The following ATL2 variants were observed in gnomAD, a reference collection of about 807,000 sequenced individuals.
ATL2 encodes the protein atlastin-2.
A neutral mutation model predicts 73.9 loss-of-function variants in ATL2; 31 were observed. That is an observed-to-expected ratio of 0.42 (90% CI 0.32 to 0.57). The LOEUF (loss-of-function observed/expected upper bound fraction) is 0.57, where lower values mean the gene tolerates loss of function less well. Ranked by LOEUF, ATL2 falls within the 20% of genes least tolerant of loss-of-function variation. The pLI, the probability that ATL2 is intolerant of heterozygous loss-of-function variation, is 0.14. For missense variants in ATL2, 738 were observed against 702.6 expected (o/e 1.05, Z -0.57); for synonymous variants, 291 against 237.5 (o/e 1.23, Z -2.07).
Position 38,294,660 on chromosome 2 carries a change from G to C in ATL2, c.*1334C>G, listed in dbSNP as rs950463287. 6.9e-6 allele frequency among the ~76,000 whole-genome samples: 1 copy of C among 145,218 alleles called. No individual in the cohort carries two copies. Among genetic ancestry groups the C allele is most frequent in the African/African-American group, 2.8e-5 (1 of 35,960 alleles). ...ACCACCAAAAAAAAAAAAAGAGAGAGAAAGAAATTAACAATCCCCATCTAC... is the reference window on the plus strand; with the variant it reads ...ACCACCAAAAAAAAAAAAAGAGAGACAAAGAAATTAACAATCCCCATCTAC... On this transcript the variant is annotated 3_prime_UTR_variant, in exon 13 of 13. Coordinates refer to ENST00000378954, the MANE Select transcript of ATL2 (RefSeq NM_001135673.4).
chr2:38,371,890 C>G (rs1215657683), intron 1 of ATL2, among the ~76,000 whole-genome samples: 1 of 152,148 alleles, frequency 6.6e-6, no homozygotes, highest in African/African-American at 2.4e-5. Flanking sequence ...GAGGGAGGCT[C>G]TGTCTCAAAA....
intron 1 of ATL2, chr2:38,376,316 A>C: frequency 7.9e-7 from 1 of 1,263,534 alleles, no homozygotes; most frequent in Non-Finnish European, 1.0e-6. Context: ...TCGAGGGGGC[A>C]GGGGCGCTCC....
chr2:38,313,114 G>A, intron 7 of ATL2, 37 bp downstream of exon 7: 1 of 1,479,234 alleles, frequency 6.8e-7, no homozygotes, highest in South Asian at 1.2e-5. Flanking sequence ...GCCTAGCTTG[G>A]TGCTTATGTT....
rs1455375582 is a variant in ATL2, at chr2:38,339,221, A to C, written c.363+4047T>G. Among the ~76,000 whole-genome samples the C allele has an allele frequency of 1.3e-5, 2 of 152,190 alleles. 1 individual carries two copies. The highest frequency in any genetic ancestry group is 2.9e-5 in the Non-Finnish European group (2 of 68,032). The stretch of plus-strand genomic sequence containing the variant: ...ACGAGGGAAACTACGTCTCAAAAAA[A>C]AGTCAAGATCATGAAAAAAGGGAAA... On this transcript the variant is annotated intron_variant, in intron 2 of 12. Coordinates refer to ENST00000378954, the MANE Select transcript of ATL2 (RefSeq NM_001135673.4).
At position 38,369,078 on chromosome 2, in the gene ATL2, C is replaced by A. The variant is rs1671515225; in HGVS notation, c.118+8065G>T. Among the ~76,000 whole-genome samples, 5 of 152,288 alleles carry A rather than the reference C, an allele frequency of 3.3e-5. No individual in the cohort carries two copies. The South Asian group carries it at 1.0e-3, about 32-fold the overall frequency. On this transcript the variant is annotated intron_variant, in intron 1 of 12. Coordinates refer to ENST00000378954, the MANE Select transcript of ATL2 (RefSeq NM_001135673.4). ...TTAACACCCACTGTGAACAAAGATACTTGCAAACAAGCACAAACCTAACCC... is the reference window on the plus strand; with the variant it reads ...TTAACACCCACTGTGAACAAAGATAATTGCAAACAAGCACAAACCTAACCC...
At chr2:38,344,712 G>C (rs141465292) in intron 1 of ATL2, among the ~76,000 whole-genome samples, 1 of 152,114 alleles carries the variant, frequency 6.6e-6, no homozygotes, top group Non-Finnish European at 1.5e-5. Flanking sequence ...CTTACAATGA[G>C]TCCCTAATTT....
intron 1 of ATL2, among the ~76,000 whole-genome samples, chr2:38,352,006 G>A (rs1670375644): frequency 6.8e-6 from 1 of 146,350 alleles, no homozygotes; most frequent in African/African-American, 2.5e-5. Flanking sequence ...CAGCTACTCG[G>A]GAGGCTGAGG....
intron 1 of ATL2, among the ~76,000 whole-genome samples, chr2:38,348,616 T>C (rs1388749357): frequency 2.0e-5 from 3 of 151,766 alleles, no homozygotes; most frequent in East Asian, 1.9e-4. Context: ...AAAGCATTAG[T>C]TGGTTTTTTA....
At position 38,336,769 on chromosome 2, in the gene ATL2, T is replaced by C. The variant is rs1269465123; in HGVS notation, c.363+6499A>G. Among the ~76,000 whole-genome samples, 3 of 152,208 alleles carry C rather than the reference T, an allele frequency of 2.0e-5. No individual in the cohort carries two copies. In the East Asian group the frequency reaches 5.8e-4, roughly 29 times the overall value. ...GAAATATAATTATCACTGCACAGGG[T>C]TATTTCTGAATACTAAGTAAGATAA... On this transcript the variant is annotated intron_variant, in intron 2 of 12. Transcript: ENST00000378954.
intron 3 of ATL2, 84 bp from the exon 4 acceptor site, chr2:38,318,723 C>G: frequency 5.2e-6 from 7 of 1,345,618 alleles, no homozygotes; most frequent in Non-Finnish European, 7.1e-6. Context: ...ATTTGAAAAG[C>G]AGTAATTAAA....
Position 38,298,669 on chromosome 2 carries a change from A to T in ATL2, c.1201-94T>A, listed in dbSNP as rs1667033477. The T allele has an allele frequency of 2.3e-6, 3 of 1,304,474 alleles. No individual in the cohort carries two copies. The Admixed American group carries it at 6.7e-5, about 29-fold the overall frequency. The allele number at this position is 1,304,474 out of a possible 1,614,324, so 80.8% of individuals were successfully genotyped here. On this transcript the variant is annotated intron_variant, in intron 11 of 12. Coordinates refer to ENST00000378954, the MANE Select transcript of ATL2 (RefSeq NM_001135673.4). ...GTTTTTAGTCTCAGAAAGTCAAACC[A>T]CTTACATGATTGAGTCAGTTTTAAA...
chr2:38,320,917 G>T (rs1427464713), intron 2 of ATL2, among the ~76,000 whole-genome samples: 1 of 151,946 alleles, frequency 6.6e-6, no homozygotes, highest in Non-Finnish European at 1.5e-5. Flanking sequence ...GGCTGAGGCA[G>T]GTGGATCACT....
intron 1 of ATL2, among the ~76,000 whole-genome samples, chr2:38,374,455 GAAGA>G (rs1671853178): frequency 6.6e-6 from 1 of 152,164 alleles, no homozygotes; most frequent in East Asian, 1.9e-4. Flanking sequence ...AGAAAGAAAA[GAAGA>G]AAGCTGCTTC....
At position 38,343,343 on chromosome 2, in the gene ATL2, C is replaced by T; in HGVS notation, c.288G>A (p.Val96=). The T allele has an allele frequency of 1.2e-6, 2 of 1,610,814 alleles. No individual in the cohort carries two copies. Among genetic ancestry groups the T allele is most frequent in the Non-Finnish European group, 1.7e-6 (2 of 1,179,276 alleles). Residue 96 remains valine (V), a synonymous_variant, in exon 2 of 13, where the codon GTG becomes GTA. Coordinates refer to ENST00000378954, the MANE Select transcript of ATL2 (RefSeq NM_001135673.4). The part of the protein sequence containing the change: ...QEHIRDLNIV[V]VSVAGAFRKG... ...TACGAAAAGCTCCTGCCACAGATACCACTACTATGTTAAGATCTCGTATGT... is the reference window on the plus strand; with the variant it reads ...TACGAAAAGCTCCTGCCACAGATACTACTACTATGTTAAGATCTCGTATGT...
In ATL2 at chr2:38,294,846, A is replaced by C. The variant is rs1666804533; in HGVS notation, c.*1148T>G. 1 of 152,194 alleles carries C rather than the reference A, an allele frequency of 6.6e-6. No homozygotes were observed. The highest frequency in any genetic ancestry group is 6.5e-5 in the Admixed American group (1 of 15,288). 9.4% of individuals were successfully genotyped at this position (152,194 alleles called of 1,614,324 possible). On this transcript the variant is annotated 3_prime_UTR_variant, in exon 13 of 13. Coordinates refer to ENST00000378954, the MANE Select transcript of ATL2 (RefSeq NM_001135673.4). The stretch of plus-strand genomic sequence containing the variant: ...AAATGTGGTTTATGAAGTGGAATAC[A>C]TACTTGAAAAATTCCTTAAAAAAGA...
At chr2:38,341,507 G>A (rs933535195) in intron 2 of ATL2, among the ~76,000 whole-genome samples, 3 of 152,036 alleles carry the variant, frequency 2.0e-5, no homozygotes, top group Admixed American at 6.6e-5. Flanking sequence ...GCATTGTGGT[G>A]CATGCCTGTA....
chr2:38,375,646 AAGAG>A (rs965585485), intron 1 of ATL2, among the ~76,000 whole-genome samples: 3 of 152,226 alleles, frequency 2.0e-5, no homozygotes, highest in Non-Finnish European at 2.9e-5. Flanking sequence ...GAAAGAAAGA[AAGAG>A]AAAGAAAGAA....
At chr2:38,330,491 T>C (rs1027168441) in intron 2 of ATL2, among the ~76,000 whole-genome samples, 2 of 152,152 alleles carry the variant, frequency 1.3e-5, no homozygotes, top group South Asian at 2.1e-4. Flanking sequence ...TGACATGATG[T>C]TGTATATAGA....
chr2:38,315,142 T>C (rs533094478), intron 5 of ATL2, 142 bp downstream of exon 5: 8 of 793,520 alleles, frequency 1.0e-5, no homozygotes, highest in East Asian at 4.1e-5. Flanking sequence ...TGCCAGCTAC[T>C]TGGGAGGCTG....
Sources: gnomAD v4.1 joint callset for allele counts (sites outside exome capture counted in the v4.1 genomes callset) on GRCh38, gnomAD v4.1.1 for gene constraint, MANE v1.5 for transcripts, NCBI Gene and HGNC (gene_info 2026-07-23, HGNC 2026-07-21) for gene names.